Variants in GRB7 observed in about 807,000 individuals in gnomAD.
GRB7 encodes the protein growth factor receptor bound protein 7, also known as growth factor receptor-bound protein 7.
A neutral mutation model predicts 64.1 loss-of-function variants in GRB7; 47 were observed. That is an observed-to-expected ratio of 0.73 (90% CI 0.58 to 0.94). GRB7 has a LOEUF of 0.94. Among genes scored for constraint, GRB7 ranks in the 40% least tolerant of loss-of-function variants. The pLI is 0.00. For missense variants in GRB7, 634 were observed against 718.4 expected (o/e 0.88, Z 1.34); for synonymous variants, 277 against 279.9 (o/e 0.99, Z 0.10).
Position 39,744,569 on chromosome 17 carries a change from A to G in GRB7, c.818A>G (p.Gln273Arg). 6.2e-7 allele frequency: 1 copy of G among 1,610,436 alleles called. No homozygotes were observed. The highest frequency in any genetic ancestry group is 1.1e-5 in the South Asian group (1 of 90,308). Residue 273 changes from glutamine to arginine, a missense_variant, in exon 8 of 15, where the codon CAG becomes CGG. Gln to Arg is a conservative substitution (Grantham distance 43, BLOSUM62 1). Around this residue, in one of 2 missense-constraint regions of GRB7, gnomAD observed 467 missense variants for 576.6 expected, o/e 0.81. Coordinates refer to ENST00000309156, the MANE Select transcript of GRB7 (RefSeq NM_005310.5). ...GCTGCTTAGGATCCGAGGCACCTGC[A>G]GTACGTGGCAGATGTGAACGAGTCC... ...KGTSKDPRHL[Q>R]YVADVNESNV...
rs2060039568 is a variant in GRB7, at chr17:39,745,725, CAGA to C, written c.1214_1216del (p.Lys405del). ...CTCTCCCGTATCTCCCACTGCTCCA[CAGA>C]AGAAGACAAACCACCGCCTCAGCCT... On this transcript the variant is annotated splice_acceptor_variant and coding_sequence_variant, in exon 12 of 15. Transcript: ENST00000309156. LOFTEE classifies it high-confidence loss of function. 6.2e-7 allele frequency: 1 copy of C among 1,613,542 alleles called. No individual in the cohort carries two copies. The highest frequency in any genetic ancestry group is 8.5e-7 in the Non-Finnish European group (1 of 1,179,988).
chr17:39,741,380 A>G (rs1163013409), intron 1 of GRB7, among the ~76,000 whole-genome samples: 1 of 152,124 alleles, frequency 6.6e-6, no homozygotes, highest in Non-Finnish European at 1.5e-5. Context: ...CCCCTACCCC[A>G]GGCCCTGCTC....
chr17:39,747,180 T>A lies in GRB7; in HGVS notation c.*283T>A. 8.3e-6 allele frequency: 4 copies of A among 479,756 alleles called. No individual in the cohort carries two copies. The highest frequency in any genetic ancestry group is 1.5e-5 in the Non-Finnish European group (4 of 270,346). 29.7% of individuals were successfully genotyped at this position (479,756 alleles called of 1,614,324 possible). A position where few individuals can be genotyped will look rare whatever the true frequency, so the allele number is the denominator to read the frequency against. ...CTAGGGCAGGGAATTATGGGAGAAG[T>A]GGGGGCAGCCCAGGCGGTTTCACGC... On this transcript the variant is annotated 3_prime_UTR_variant, in exon 15 of 15. Transcript: ENST00000309156.
intron 14 of GRB7, among the ~76,000 whole-genome samples, 176 bp downstream of exon 14, chr17:39,746,378 C>T (rs536251910): frequency 3.3e-5 from 5 of 152,172 alleles, no homozygotes; most frequent in Non-Finnish European, 5.9e-5. Flanking sequence ...GCACTTAGGA[C>T]GGCCAAGGTG....
rs545909882 is a variant in GRB7, at chr17:39,742,400, C to A, written c.99C>A (p.Thr33=). The A allele has an allele frequency of 6.2e-7, 1 of 1,613,982 alleles. No individual in the cohort carries two copies. Among genetic ancestry groups the A allele is most frequent in the South Asian group, 1.1e-5 (1 of 91,090 alleles). Residue 33 remains threonine (T), a synonymous_variant, in exon 2 of 15, where the codon ACC becomes ACA. Transcript: ENST00000309156. ...TPPGTPRPPD[T]PLPEEVKRSQ... ...CTGGGACTCCCCGGCCCCCTGATAC[C>A]CCTCTGCCTGAGGAGGTAAAGAGGT...
Position 39,745,712 on chromosome 17 carries a change from T to A in GRB7, c.1210-16T>A. 6.2e-7 allele frequency: 1 copy of A among 1,612,876 alleles called. No individual in the cohort carries two copies. The highest frequency in any genetic ancestry group is 8.5e-7 in the Non-Finnish European group (1 of 1,179,870). ...AAGCACGCCCCGACTCTCCCGTATC[T>A]CCCACTGCTCCACAGAAGAAGACAA... On this transcript the variant is annotated splice_polypyrimidine_tract_variant and intron_variant, in intron 11 of 14. Transcript: ENST00000309156.
In GRB7 at chr17:39,742,697, G is replaced by A. The variant is rs371037902; in HGVS notation, c.287G>A (p.Arg96His). Reference sequence around the variant, plus strand: ...TCCAGTGCAAGGGGGCTGCTCCCCCGCGATGCCAGCCGCCCCCATGTGAGT... The same window carrying A: ...TCCAGTGCAAGGGGGCTGCTCCCCCACGATGCCAGCCGCCCCCATGTGAGT... The part of the protein sequence containing the change: ...GPSSARGLLP[R>H]DASRPHVVKV... The change falls in exon 3 of 15, where the codon CGC becomes CAC. Residue 96 changes from arginine to histidine, a missense_variant. This residue lies in a region of GRB7 where 167 missense variants were observed against 141.9 expected (regional missense o/e 1.18). Transcript: ENST00000309156. The A allele has an allele frequency of 1.0e-5, 16 of 1,568,392 alleles. No individual in the cohort carries two copies. Among genetic ancestry groups the A allele is most frequent in the African/African-American group, 2.7e-5 (2 of 72,986 alleles).
intron 3 of GRB7, 40 bp from the exon 4 acceptor site, chr17:39,742,853 CACCCT>C: frequency 6.5e-7 from 1 of 1,543,776 alleles, no homozygotes; most frequent in Non-Finnish European, 8.8e-7. Flanking sequence ...GGGAATGAAT[CACCCT>C]TTGCCTCCCC....
chr17:39,739,021 G>T, intron 1 of GRB7: 1 of 1,097,596 alleles, frequency 9.1e-7, no homozygotes, highest in Non-Finnish European at 1.3e-6. Flanking sequence ...TGGGGAGAGT[G>T]GGGTGGGGGA....
At position 39,745,478 on chromosome 17, in the gene GRB7, T is replaced by C; in HGVS notation, c.1149T>C (p.Arg383=). 1 of 1,613,954 alleles carries C rather than the reference T, an allele frequency of 6.2e-7. No individual in the cohort carries two copies. Among genetic ancestry groups the C allele is most frequent in the South Asian group, 1.1e-5 (1 of 91,080 alleles). ...TGGACTTCTCTGGCCATGCTGGGCG[T>C]GTCATTGAGAACCCCCGGGAGGCTC... is the stretch of plus-strand genomic sequence containing the variant. ...VAMDFSGHAG[R]VIENPREALS... Residue 383 remains arginine, a synonymous_variant, in exon 11 of 15, where the codon CGT becomes CGC. Coordinates refer to ENST00000309156, the MANE Select transcript of GRB7 (RefSeq NM_005310.5).
intron 1 of GRB7, among the ~76,000 whole-genome samples, chr17:39,739,510 G>A (rs2059977771): frequency 6.6e-6 from 1 of 152,236 alleles, no homozygotes; most frequent in Non-Finnish European, 1.5e-5. Flanking sequence ...GGGGCGTGGA[G>A]TACTGGGCGG....
At chr17:39,743,552 C>T in intron 6 of GRB7, 82 bp downstream of exon 6, 1 of 1,106,758 alleles carries the variant, frequency 9.0e-7, no homozygotes, top group South Asian at 1.2e-5. Flanking sequence ...TCCTGTGCCT[C>T]CCCTCTATGT....
chr17:39,744,588 C>A lies in GRB7; in HGVS notation c.837C>A (p.Asn279Lys). 6.2e-7 allele frequency: 1 copy of A among 1,611,964 alleles called. No individual in the cohort carries two copies. The highest frequency in any genetic ancestry group is 8.5e-7 in the Non-Finnish European group (1 of 1,179,090). ...ACCTGCAGTACGTGGCAGATGTGAA[C>A]GAGTCCAACGTGTACGTGGTGACGC... ...PRHLQYVADV[N>K]ESNVYVVTQG... Residue 279 changes from asparagine (N) to lysine (K), a missense_variant, in exon 8 of 15, where the codon AAC becomes AAA. Physicochemically the swap from Asn to Lys is moderately conservative, Grantham distance 94. Around this residue, in one of 2 missense-constraint regions of GRB7, gnomAD observed 467 missense variants for 576.6 expected, o/e 0.81. Coordinates refer to ENST00000309156, the MANE Select transcript of GRB7 (RefSeq NM_005310.5).
chr17:39,740,443 G>A (rs1283325583), intron 1 of GRB7, among the ~76,000 whole-genome samples: 1 of 152,226 alleles, frequency 6.6e-6, no homozygotes, highest in African/African-American at 2.4e-5. Flanking sequence ...TTTGGGTGGG[G>A]AGGGGCACCG....
intron 1 of GRB7, among the ~76,000 whole-genome samples, chr17:39,741,346 G>A (rs2059992738): frequency 6.6e-6 from 1 of 152,112 alleles, no homozygotes; most frequent in Non-Finnish European, 1.5e-5. Context: ...GGTACGCAAG[G>A]TTTGGGGGCT....
intron 4 of GRB7, 52 bp from the exon 5 acceptor site, chr17:39,743,128 C>T: frequency 6.2e-7 from 1 of 1,605,846 alleles, no homozygotes; most frequent in South Asian, 1.1e-5. Context: ...GTGGCTCATC[C>T]AGGAGATCTG....
At chr17:39,742,798 G>A in intron 3 of GRB7, 82 bp downstream of exon 3, 1 of 1,523,760 alleles carries the variant, frequency 6.6e-7, no homozygotes. Flanking sequence ...CATGGAGGCA[G>A]GGGATCTTGG....
chr17:39,738,777 C>A, intron 1 of GRB7: 1 of 800,384 alleles, frequency 1.2e-6, no homozygotes, highest in Non-Finnish European at 1.9e-6. Flanking sequence ...TCTCTGCGGG[C>A]TGCGGGGAGA....
chr17:39,739,964 T>C, intron 1 of GRB7: 1 of 985,142 alleles, frequency 1.0e-6, no homozygotes, highest in Non-Finnish European at 1.2e-6. Context: ...TGGGGGGCTC[T>C]GAAGGCAAAC....
Sources: allele counts gnomAD v4.1 joint callset (sites outside exome capture counted in the v4.1 genomes callset), GRCh38; gene constraint gnomAD v4.1.1; regional missense constraint gnomAD v4.1.1; transcripts MANE v1.5; gene names NCBI Gene and HGNC (gene_info 2026-07-23, HGNC 2026-07-21).